Variants in BRSK2 observed in about 807,000 individuals in gnomAD.
BRSK2 encodes BR serine/threonine kinase 2, also known as serine/threonine-protein kinase BRSK2.
In BRSK2, 19 loss-of-function variants were observed where a neutral mutation model predicts 83.3. The ratio of observed to expected loss-of-function variants is 0.23; its 90% CI spans 0.16 to 0.33. BRSK2 has a LOEUF of 0.33. Among genes scored for constraint, BRSK2 ranks in the 10% least tolerant of loss-of-function variants. The pLI is 1.00. For synonymous variants in BRSK2, 519 were observed against 435.4 expected, an observed-to-expected ratio of 1.19 and a Z score of -2.39; for missense variants, 798 against 1,042.3, an observed-to-expected ratio of 0.77 and a Z score of 3.23.
intron 1 of BRSK2, among the ~76,000 whole-genome samples, chr11:1,419,133 T>G: frequency 6.8e-6 from 1 of 146,750 alleles, no homozygotes. Flanking sequence ...CAGGTGTGAG[T>G]CTGGGCACTG....
intron 1 of BRSK2, among the ~76,000 whole-genome samples, chr11:1,400,932 T>C (rs902212120): frequency 6.6e-6 from 1 of 152,234 alleles, no homozygotes; most frequent in East Asian, 1.9e-4. Flanking sequence ...GGCGGGGCCG[T>C]GTGACCCTCC....
chr11:1,429,594 C>CTG, intron 1 of BRSK2, among the ~76,000 whole-genome samples: 1 of 141,488 alleles, frequency 7.1e-6, no homozygotes, highest in African/African-American at 2.7e-5. Context: ...TGAGCGTCTT[C>CTG]TGCGGTCTGG....
rs1306475100 is a variant in BRSK2, at chr11:1,451,422, A to G, written c.1544+3A>G. 6.2e-7 allele frequency: 1 copy of G among 1,612,762 alleles called. No homozygotes were observed. The highest frequency in any genetic ancestry group is 1.1e-5 in the South Asian group (1 of 91,088). On this transcript the variant is annotated splice_donor_region_variant and intron_variant, in intron 15 of 19. Coordinates refer to ENST00000528841, the MANE Select transcript of BRSK2 (RefSeq NM_001256627.2). Reference sequence around the variant, plus strand: ...CTGACACCAGAGTCGTCCCCAGAGTAAGTGGCCCCTGCTGGAGGCCTCCTG... The same window carrying G: ...CTGACACCAGAGTCGTCCCCAGAGTGAGTGGCCCCTGCTGGAGGCCTCCTG...
chr11:1,447,981 C>T (rs565972146), intron 12 of BRSK2: 74 of 1,034,300 alleles, frequency 7.2e-5, no homozygotes, highest in Middle Eastern at 2.5e-4. Context: ...GCTCCTGCTG[C>T]GGTGAAGCCA....
At chr11:1,402,157 A>T (rs976935444) in intron 1 of BRSK2, among the ~76,000 whole-genome samples, 2 of 152,188 alleles carry the variant, frequency 1.3e-5, no homozygotes, top group African/African-American at 4.8e-5. Flanking sequence ...GGCATGGAGC[A>T]GCCTGGGGAA....
chr11:1,436,250 G>GGGGGGGGGGGGGGGCC, intron 2 of BRSK2, 116 bp downstream of exon 2: 2 of 168,876 alleles, frequency 1.2e-5, no homozygotes, highest in South Asian at 2.7e-4. Context: ...GGGGGGGCGG[G>GGGGGGGGGGGGGGGCC]CCCTGCAGGC....
chr11:1,413,407 G>A (rs1365063845), intron 1 of BRSK2, among the ~76,000 whole-genome samples: 1 of 152,192 alleles, frequency 6.6e-6, no homozygotes, highest in Non-Finnish European at 1.5e-5. Flanking sequence ...CCTTCTTGGA[G>A]GCCAGAGGCT....
rs749785683 is a variant in BRSK2 at position 1,456,611 on chromosome 11, C to T, written c.1863C>T (p.Arg621=). The part of the protein sequence containing the change: ...TFTLLSGPSR[R]FKRVVETIQA... Reference sequence around the variant, plus strand: ...TGTCTCCCCTAGGCCCCAGCCGTCGCTTCAAGAGGGTGGTGGAGACCATCC... The same window carrying T: ...TGTCTCCCCTAGGCCCCAGCCGTCGTTTCAAGAGGGTGGTGGAGACCATCC... Residue 621 remains arginine, a synonymous_variant, in exon 18 of 20, where the codon CGC becomes CGT. Transcript: ENST00000528841. 1 of 1,611,054 alleles carries T rather than the reference C, an allele frequency of 6.2e-7. No homozygotes were observed. Among genetic ancestry groups the T allele is most frequent in the South Asian group, 1.1e-5 (1 of 90,610 alleles).
intron 1 of BRSK2, among the ~76,000 whole-genome samples, chr11:1,426,937 G>A (rs371393974): frequency 3.9e-5 from 6 of 152,236 alleles, no homozygotes; most frequent in East Asian, 3.9e-4. Context: ...ATGGGGGGGC[G>A]GCACCCCAGG....
intron 12 of BRSK2, among the ~76,000 whole-genome samples, chr11:1,449,489 G>T (rs932992853): frequency 2.0e-5 from 3 of 152,210 alleles, no homozygotes; most frequent in African/African-American, 7.2e-5. Flanking sequence ...CACGCTGGAT[G>T]GTCCTTTGCC....
chr11:1,459,130 C>T, intron 18 of BRSK2, 62 bp from the exon 19 acceptor site: 1 of 1,558,638 alleles, frequency 6.4e-7, no homozygotes, highest in Non-Finnish European at 8.8e-7. Flanking sequence ...GGGCGTCCAG[C>T]CAGAAGGCCC....
At chr11:1,413,106 T>A (rs1590371375) in intron 1 of BRSK2, among the ~76,000 whole-genome samples, 1 of 151,822 alleles carries the variant, frequency 6.6e-6, no homozygotes, top group East Asian at 2.0e-4. Flanking sequence ...CTGGGGTGGG[T>A]CTCTCCCCAT....
At chr11:1,440,223 C>T (rs12278675) in intron 3 of BRSK2, among the ~76,000 whole-genome samples, 23,414 of 152,178 alleles carry the variant, frequency 0.15, 1,949 homozygotes, top group Middle Eastern at 0.25. Flanking sequence ...CCCACGGGGG[C>T]GGTGCTGGGA....
In BRSK2 at chr11:1,436,151, A is replaced by C; in HGVS notation, c.186+17A>C. 2.4e-5 allele frequency: 2 copies of C among 84,502 alleles called. No homozygotes were observed. The highest frequency in any genetic ancestry group is 4.5e-5 in the Non-Finnish European group (2 of 44,684). The allele number at this position is 84,502 out of a possible 1,614,324, so 5.2% of individuals were successfully genotyped here. A position where few individuals can be genotyped will look rare whatever the true frequency, so the allele number is the denominator to read the frequency against. On this transcript the variant is annotated intron_variant, in intron 2 of 19. Coordinates refer to ENST00000528841, the MANE Select transcript of BRSK2 (RefSeq NM_001256627.2). ...CTGATGAAGGTGGGTGGGGCCGGGG[A>C]GGGAGGCGGGGCCGGCGGTGGGGTG...
intron 12 of BRSK2, among the ~76,000 whole-genome samples, chr11:1,449,432 T>C (rs1354419849): frequency 2.0e-5 from 3 of 152,196 alleles, no homozygotes; most frequent in Non-Finnish European, 2.9e-5. Flanking sequence ...CAGAAGGGGC[T>C]GCATACAGGA....
chr11:1,400,517 G>A (rs1384973359), intron 1 of BRSK2, among the ~76,000 whole-genome samples: 1 of 152,224 alleles, frequency 6.6e-6, no homozygotes, highest in Non-Finnish European at 1.5e-5. Flanking sequence ...CGTGGGTACT[G>A]TCTTCCACCC....
intron 12 of BRSK2, among the ~76,000 whole-genome samples, chr11:1,446,936 T>A (rs965656275): frequency 6.6e-6 from 1 of 152,108 alleles, no homozygotes; most frequent in Non-Finnish European, 1.5e-5. Flanking sequence ...CCTCGGGAAC[T>A]TGGGGGAAGC....
chr11:1,411,680 T>A (rs1264440687), intron 1 of BRSK2: 2 of 1,530,122 alleles, frequency 1.3e-6, no homozygotes, highest in Non-Finnish European at 1.7e-6. Flanking sequence ...GAGGGAGGAG[T>A]GTGTTCATGT....
Position 1,418,945 on chromosome 11 carries a change from A to C in BRSK2, c.92-17095A>C, listed in dbSNP as rs529270222. 4.8e-4 allele frequency among the ~76,000 whole-genome samples: 73 copies of C among 152,376 alleles called. 1 individual carries two copies. Among genetic ancestry groups the C allele is most frequent in the Admixed American group, 1.4e-3 (22 of 15,304 alleles). On this transcript the variant is annotated intron_variant, in intron 1 of 19. Transcript: ENST00000528841. ...TTTCTTTTTTTTCTGTAGTGCCATA[A>C]GTGCCTGTCACTAATAGAAGCTCAG...
Sources: gnomAD v4.1 joint callset for allele counts (sites outside exome capture counted in the v4.1 genomes callset) on GRCh38, gnomAD v4.1.1 for gene constraint, MANE v1.5 for transcripts, NCBI Gene and HGNC (gene_info 2026-07-23, HGNC 2026-07-21) for gene names.